SNX25: variants seen among roughly 807,000 people sequenced by gnomAD.
SNX25 encodes sorting nexin-25.
SNX25 carries 62 observed loss-of-function variants against 113.7 expected under a neutral mutation model. The ratio of observed to expected loss-of-function variants is 0.55; its 90% confidence interval spans 0.44 to 0.67. The LOEUF (loss-of-function observed/expected upper bound fraction) is 0.67, where lower values mean the gene tolerates loss of function less well. Among genes scored for constraint, SNX25 ranks in the 30% least tolerant of loss-of-function variants. The pLI is 0.00. For missense variants in SNX25, 1,014 were observed against 1,161.0 expected, an observed-to-expected ratio of 0.87 and a Z score of 1.84; for synonymous variants, 421 against 436.2, an observed-to-expected ratio of 0.97 and a Z score of 0.43.
chr4:185,235,923 G>A (rs1288324473), intron 1 of SNX25, among the ~76,000 whole-genome samples: 1 of 152,160 alleles, frequency 6.6e-6, no homozygotes, highest in African/African-American at 2.4e-5. Context: ...AAGAGAGAGT[G>A]CAGTCCTGAT....
intron 1 of SNX25, among the ~76,000 whole-genome samples, chr4:185,231,350 C>T (rs1234337326): frequency 1.3e-5 from 2 of 151,756 alleles, no homozygotes; most frequent in Non-Finnish European, 2.9e-5. Flanking sequence ...CCACCCGCCT[C>T]GGCCTCCCAA....
chr4:185,366,629 ATTTAAG>A (rs1033941244), downstream of SNX25: 1 of 152,226 alleles, frequency 6.6e-6, no homozygotes, highest in Non-Finnish European at 1.5e-5. Flanking sequence ...GCACACACTT[ATTTAAG>A]TTTAATTCTT....
rs1560989132 is a variant in SNX25 at position 185,303,657 on chromosome 4, T to TTAA, written c.1163-6978_1163-6977insTAA. Reference sequence around the variant, plus strand: ...CTGGGCGACAGAGCGAGACTCTGTCTCAAAAAAAAAAAAAAAAAAAAAAAG... The same window carrying TTAA: ...CTGGGCGACAGAGCGAGACTCTGTCTTAACAAAAAAAAAAAAAAAAAAAAAAAG... On this transcript the variant is annotated intron_variant, in intron 6 of 18. Coordinates refer to ENST00000652585, the MANE Select transcript of SNX25 (RefSeq NM_001378034.2). Among the ~76,000 whole-genome samples, 22 of 74,728 alleles carry TTAA rather than the reference T, an allele frequency of 2.9e-4. 1 individual carries two copies. Among genetic ancestry groups the TTAA allele is most frequent in the African/African-American group, 1.4e-3 (22 of 15,638 alleles). 49.0% of individuals were successfully genotyped at this position (74,728 alleles called of 152,430 possible).
chr4:185,376,978 G>A, the SNX25 span: 1 of 1,613,918 alleles, frequency 6.2e-7, no homozygotes, highest in Non-Finnish European at 8.5e-7. Flanking sequence ...TTTCCTTCAA[G>A]AGCTGCAATG....
At chr4:185,236,872 C>G (rs994599872) in intron 1 of SNX25, among the ~76,000 whole-genome samples, 5 of 152,004 alleles carry the variant, frequency 3.3e-5, no homozygotes, top group Non-Finnish European at 5.9e-5. Context: ...GTAACTTGCC[C>G]AAGGTTACAT....
chr4:185,367,200 G>GT, downstream of SNX25: 1 of 1,613,094 alleles, frequency 6.2e-7, no homozygotes, highest in South Asian at 1.1e-5. Flanking sequence ...TGACGAATAA[G>GT]TAAGGAGTGA....
intron 5 of SNX25, among the ~76,000 whole-genome samples, chr4:185,274,086 AGTCTCACTCT>A (rs1749322125): frequency 6.9e-6 from 1 of 145,014 alleles, no homozygotes; most frequent in South Asian, 2.2e-4. Flanking sequence ...TTTGAGATGG[AGTCTCACTCT>A]GTCACCCAGG....
chr4:185,280,160 C>G (rs1423931155), intron 5 of SNX25, among the ~76,000 whole-genome samples: 1 of 152,192 alleles, frequency 6.6e-6, no homozygotes, highest in African/African-American at 2.4e-5. Context: ...AAACTATCCA[C>G]CGACCTTGGC....
intron 13 of SNX25, among the ~76,000 whole-genome samples, chr4:185,348,649 G>A (rs1407267619): frequency 6.6e-5 from 10 of 152,022 alleles, no homozygotes; most frequent in African/African-American, 2.4e-5. Context: ...AATCTGCCTC[G>A]GCCTCCCAGA....
chr4:185,234,721 G>A (rs1742364769), intron 1 of SNX25, among the ~76,000 whole-genome samples: 1 of 151,176 alleles, frequency 6.6e-6, no homozygotes, highest in Admixed American at 6.6e-5. Flanking sequence ...TATGACTTTT[G>A]GAACCATAAT....
chr4:185,375,502 A>ATATG, the SNX25 span: 4 of 78,356 alleles, frequency 5.1e-5, no homozygotes, highest in African/African-American at 2.8e-4. Flanking sequence ...ATATATATAT[A>ATATG]TATATATATA....
chr4:185,378,177 T>C, the SNX25 span: 1 of 1,613,996 alleles, frequency 6.2e-7, no homozygotes, highest in Non-Finnish European at 8.5e-7. Context: ...TTTTCACTGG[T>C]CAACTTCATC....
chr4:185,216,681 G>A (rs1359071689), intron 1 of SNX25, among the ~76,000 whole-genome samples: 3 of 151,816 alleles, frequency 2.0e-5, no homozygotes, highest in African/African-American at 4.8e-5. Flanking sequence ...CACCACGCCC[G>A]GCTACTTTTT....
chr4:185,268,022 C>G (rs969795202), intron 5 of SNX25, among the ~76,000 whole-genome samples: 1 of 152,152 alleles, frequency 6.6e-6, no homozygotes, highest in Non-Finnish European at 1.5e-5. Flanking sequence ...AGGGGTTTGT[C>G]TTACTGTCTC....
upstream of SNX25, among the ~76,000 whole-genome samples, chr4:185,206,608 G>A (rs1453151545): frequency 3.8e-5 from 5 of 132,832 alleles, no homozygotes; most frequent in Admixed American, 9.2e-5. Flanking sequence ...GCAGTGAGCC[G>A]AGATTGCGCC....
upstream of SNX25, among the ~76,000 whole-genome samples, chr4:185,205,253 A>G (rs564356980): frequency 2.9e-4 from 44 of 152,312 alleles, no homozygotes; most frequent in East Asian, 1.9e-4. Flanking sequence ...GAGGAGTTCA[A>G]GACCAGCCTG....
chr4:185,316,875 T>TA (rs1246891969), intron 7 of SNX25, among the ~76,000 whole-genome samples: 1 of 152,222 alleles, frequency 6.6e-6, no homozygotes, highest in Non-Finnish European at 1.5e-5. Context: ...GCTTCACTGG[T>TA]AGAGTTTACA....
intron 6 of SNX25, among the ~76,000 whole-genome samples, chr4:185,298,319 C>A (rs1227197501): frequency 6.6e-6 from 1 of 152,074 alleles, no homozygotes; most frequent in Non-Finnish European, 1.5e-5. Context: ...GAACTCCTAA[C>A]CTCAGGTGAC....
chr4:185,224,562 T>G (rs1459241032), intron 1 of SNX25, among the ~76,000 whole-genome samples: 1 of 113,328 alleles, frequency 8.8e-6, no homozygotes, highest in Non-Finnish European at 2.0e-5. Context: ...TATATAAATA[T>G]ATATAAGTGT....
Sources: allele counts gnomAD v4.1 joint callset (sites outside exome capture counted in the v4.1 genomes callset), GRCh38; gene constraint gnomAD v4.1.1; transcripts MANE v1.5; gene names NCBI Gene and HGNC (gene_info 2026-07-23, HGNC 2026-07-21).